Variants in PTTG1IP observed in about 807,000 individuals in gnomAD.
The protein encoded by PTTG1IP is PTTG1 interacting protein.
A neutral mutation model predicts 24.4 loss-of-function variants in PTTG1IP; 16 were observed. That is an observed-to-expected ratio of 0.66 (90% CI 0.44 to 1.00). PTTG1IP has a LOEUF of 1.00. Among genes scored for constraint, PTTG1IP ranks in the 50% least tolerant of loss-of-function variants. The pLI, the probability that PTTG1IP is intolerant of heterozygous loss-of-function variation, is 0.00. For synonymous variants in PTTG1IP, 89 were observed against 96.8 expected (o/e 0.92, Z 0.47); for missense variants, 241 against 245.8 (o/e 0.98, Z 0.13).
intron 1 of PTTG1IP, among the ~76,000 whole-genome samples, chr21:44,869,500 T>C (rs1027379405): frequency 3.3e-5 from 5 of 152,250 alleles, no homozygotes; most frequent in African/African-American, 1.2e-4. Context: ...AGTCTTGCTA[T>C]GTCACCCAGG....
At chr21:44,854,667 A>C (rs532680775) in intron 5 of PTTG1IP, among the ~76,000 whole-genome samples, 1 of 152,380 alleles carries the variant, frequency 6.6e-6, no homozygotes, top group Admixed American at 6.5e-5. Context: ...TAAAAGGTTT[A>C]CACTTGGCAA....
chr21:44,854,188 C>T (rs989446156), intron 5 of PTTG1IP, among the ~76,000 whole-genome samples: 1 of 152,228 alleles, frequency 6.6e-6, no homozygotes, highest in African/African-American at 2.4e-5. Context: ...GCAGCGACGT[C>T]CTCATGCCCC....
intron 2 of PTTG1IP, among the ~76,000 whole-genome samples, chr21:44,864,410 T>C (rs912539660): frequency 5.3e-5 from 8 of 152,006 alleles, no homozygotes; most frequent in African/African-American, 1.9e-4. Flanking sequence ...GTTTTTGTTT[T>C]TTAAAGACAG....
intron 2 of PTTG1IP, among the ~76,000 whole-genome samples, chr21:44,864,313 A>G (rs1249861115): frequency 1.3e-5 from 2 of 152,274 alleles, no homozygotes; most frequent in Admixed American, 6.5e-5. Flanking sequence ...TGGCAAGGCA[A>G]GCCCAAGAGG....
chr21:44,855,862 C>A (rs1031764031), intron 4 of PTTG1IP, among the ~76,000 whole-genome samples: 2 of 152,208 alleles, frequency 1.3e-5, no homozygotes, highest in South Asian at 4.1e-4. Context: ...CCCCTCTGAG[C>A]CTCAGCTTGC....
chr21:44,865,636 T>C (rs2146467727), intron 1 of PTTG1IP, 189 bp from the exon 2 acceptor site: 2 of 645,840 alleles, frequency 3.1e-6, no homozygotes, highest in Non-Finnish European at 5.6e-6. Context: ...GTGGAACGAG[T>C]GTTCAGGAAC....
chr21:44,864,587 C>T (rs532302400), intron 2 of PTTG1IP, among the ~76,000 whole-genome samples: 5 of 152,206 alleles, frequency 3.3e-5, no homozygotes, highest in South Asian at 4.1e-4. Context: ...TTAGTAGAGA[C>T]GGGGTTTCAC....
At chr21:44,864,622 C>T (rs1272753155) in intron 2 of PTTG1IP, among the ~76,000 whole-genome samples, 1 of 152,224 alleles carries the variant, frequency 6.6e-6, no homozygotes, top group Admixed American at 6.5e-5. Context: ...TGGTCTCCAA[C>T]TGCTGACCTC....
chr21:44,859,489 G>A (rs1045180701), intron 3 of PTTG1IP, among the ~76,000 whole-genome samples: 1 of 152,092 alleles, frequency 6.6e-6, no homozygotes, highest in South Asian at 2.1e-4. Context: ...AGGCACACAT[G>A]TGTGCATTAT....
chr21:44,873,204 C>T lies in PTTG1IP; in HGVS notation c.115+298G>A, dbSNP rs1424577921. ...AGGCCGCAGGTGCCAAGCGTCCCGC[C>T]TGCCGGGCGAGGGCCAACCCGAGGC... On this transcript the variant is annotated intron_variant, in intron 1 of 5. Coordinates refer to ENST00000330938, the MANE Select transcript of PTTG1IP (RefSeq NM_004339.4). Among the ~76,000 whole-genome samples, 3 of 152,246 alleles carry T rather than the reference C, an allele frequency of 2.0e-5. 1 individual carries two copies. The highest frequency in any genetic ancestry group is 4.1e-4 in the South Asian group (2 of 4,836).
chr21:44,873,000 G>C (rs1408869075), intron 1 of PTTG1IP: 1 of 152,272 alleles, frequency 6.6e-6, no homozygotes, highest in Non-Finnish European at 1.5e-5. Context: ...GAGTGGCGGC[G>C]TGAACGCCGG....
Position 44,870,792 on chromosome 21 carries a change from T to G in PTTG1IP, c.115+2710A>C, listed in dbSNP as rs574112276. Among the ~76,000 whole-genome samples, 9 of 152,344 alleles carry G rather than the reference T, an allele frequency of 5.9e-5. No homozygotes were observed. The South Asian group carries it at 8.3e-4, about 14-fold the overall frequency. On this transcript the variant is annotated intron_variant, in intron 1 of 5. Coordinates refer to ENST00000330938, the MANE Select transcript of PTTG1IP (RefSeq NM_004339.4). ...ATTTTTAAAGACCTTTCAGTCTCAT[T>G]TGTTTCCGAAATTAAAGGAAAAAAC... is the stretch of plus-strand genomic sequence containing the variant.
intron 1 of PTTG1IP, among the ~76,000 whole-genome samples, chr21:44,870,116 A>G (rs892508236): frequency 3.3e-5 from 5 of 152,224 alleles, no homozygotes; most frequent in African/African-American, 1.2e-4. Flanking sequence ...TCCTGCTCCC[A>G]GCAGGCCAAG....
chr21:44,873,294 C>A (rs1284615015), intron 1 of PTTG1IP, among the ~76,000 whole-genome samples: 3 of 152,190 alleles, frequency 2.0e-5, no homozygotes, highest in Non-Finnish European at 2.9e-5. Flanking sequence ...GGCTCTTCCC[C>A]TGCCCGCGCC....
chr21:44,869,606 T>C (rs916221320), intron 1 of PTTG1IP, among the ~76,000 whole-genome samples: 1 of 152,206 alleles, frequency 6.6e-6, no homozygotes, highest in Non-Finnish European at 1.5e-5. Context: ...GCTGAATCAA[T>C]TTTTAAAAAT....
intron 1 of PTTG1IP, among the ~76,000 whole-genome samples, chr21:44,866,492 G>A (rs111374100): frequency 1.5e-3 from 61 of 39,402 alleles, no homozygotes; most frequent in Admixed American, 3.0e-3. Flanking sequence ...ACACACACAC[G>A]CAGACTGCCT....
At position 44,873,538 on chromosome 21, in the gene PTTG1IP, T is replaced by TGAGCAGCAG; in HGVS notation, c.70_78dup (p.Leu24_Leu26dup). 2.1e-6 allele frequency: 3 copies of TGAGCAGCAG among 1,458,294 alleles called. No homozygotes were observed. Among genetic ancestry groups the TGAGCAGCAG allele is most frequent in the Non-Finnish European group, 2.7e-6 (3 of 1,109,970 alleles). The allele number at this position is 1,458,294 out of a possible 1,614,324, so 90.3% of individuals were successfully genotyped here. On this transcript the variant is annotated inframe_insertion, in exon 1 of 6. Transcript: ENST00000330938. ...GGCTCCTGCGCGGCGGCCACCGGGA[T>TGAGCAGCAG]GAGCAGCAGGAGCAGCGCGGCGCCA...
chr21:44,867,228 A>T lies in PTTG1IP; in HGVS notation c.116-1781T>A, dbSNP rs2146470484. ...CGTGTCTCTCCTTTGGAGGTGAGCTAGGCGGCTGTGCAATCACTAACACTG... is the reference window on the plus strand; with the variant it reads ...CGTGTCTCTCCTTTGGAGGTGAGCTTGGCGGCTGTGCAATCACTAACACTG... On this transcript the variant is annotated intron_variant, in intron 1 of 5. Transcript: ENST00000330938. 2.0e-5 allele frequency among the ~76,000 whole-genome samples: 3 copies of T among 152,392 alleles called. No homozygotes were observed. In the South Asian group the frequency reaches 6.2e-4, roughly 32 times the overall value.
chr21:44,866,465 T>C (rs1601255994), intron 1 of PTTG1IP, among the ~76,000 whole-genome samples: 3 of 22,410 alleles, frequency 1.3e-4, no homozygotes, highest in Non-Finnish European at 1.6e-4. Context: ...ACTCCCCCAA[T>C]CCCATAACAC....
Sources: gnomAD v4.1 joint callset for allele counts (sites outside exome capture counted in the v4.1 genomes callset) on GRCh38, gnomAD v4.1.1 for gene constraint, MANE v1.5 for transcripts, NCBI Gene and HGNC (gene_info 2026-07-23, HGNC 2026-07-21) for gene names.